The following PRSS23 variants were observed in gnomAD, a reference collection of about 807,000 sequenced individuals.
PRSS23 encodes the protein serine protease 23, also known as protease, serine 23.
PRSS23 carries 25 observed loss-of-function variants against 34.7 expected under a neutral mutation model. The ratio of observed to expected loss-of-function variants is 0.72; its 90% confidence interval spans 0.53 to 1.01. PRSS23 has a LOEUF of 1.01. PRSS23 is among the 50% of genes least tolerant of loss of function. The probability of loss-of-function intolerance (pLI) is 0.00; values close to 1 mark genes in which losing one functional copy is unlikely to be tolerated. For synonymous variants in PRSS23, 176 were observed against 186.6 expected (o/e 0.94, Z 0.46); for missense variants, 445 against 475.6 (o/e 0.94, Z 0.60).
At chr11:86,950,766 C>T (rs1949283480) in intron 2 of PRSS23, 1 of 293,906 alleles carries the variant, frequency 3.4e-6, no homozygotes, top group Non-Finnish European at 6.5e-6. Context: ...GTTAATATTT[C>T]TCCCTGCTAG....
At chr11:86,882,529 G>A (rs1310911882) in intron 2 of PRSS23, among the ~76,000 whole-genome samples, 2 of 151,836 alleles carry the variant, frequency 1.3e-5, no homozygotes, top group African/African-American at 4.8e-5. Context: ...CCCTACGAAG[G>A]GCATGATCTC....
At position 86,807,984 on chromosome 11, in the gene PRSS23, A is replaced by G; in HGVS notation, c.341A>G (p.Gln114Arg). Residue 114 changes from glutamine (Q) to arginine (R), a missense_variant, in exon 2 of 2, where the codon CAA (glutamine) becomes CGA (arginine). Physicochemically the swap from Gln to Arg is conservative, Grantham distance 43. Coordinates refer to ENST00000280258, the MANE Select transcript of PRSS23 (RefSeq NM_007173.6). ...YILSSSGDGA[Q>R]HRDSGSSGKS... ...CTCAGCAGTAGTGGAGATGGGGCCC[A>G]ACACCGAGACTCAGGGTCTTCAGGA... 1 of 1,614,102 alleles carries G rather than the reference A, an allele frequency of 6.2e-7. No individual in the cohort carries two copies. Among genetic ancestry groups the G allele is most frequent in the Non-Finnish European group, 8.5e-7 (1 of 1,180,020 alleles).
chr11:86,867,116 C>T (rs1948654567), intron 2 of PRSS23, among the ~76,000 whole-genome samples: 1 of 152,212 alleles, frequency 6.6e-6, no homozygotes, highest in Admixed American at 6.5e-5. Context: ...CTAGCTTCAT[C>T]CCCGAGCAGA....
chr11:86,838,309 C>A (rs530469061), intron 2 of PRSS23, among the ~76,000 whole-genome samples: 1 of 152,268 alleles, frequency 6.6e-6, no homozygotes, highest in East Asian at 1.9e-4. Context: ...CCAGGAGATA[C>A]CCTCCCATGC....
intron 2 of PRSS23, among the ~76,000 whole-genome samples, chr11:86,916,255 T>C (rs1010709778): frequency 6.6e-6 from 1 of 152,172 alleles, no homozygotes; most frequent in Non-Finnish European, 1.5e-5. Context: ...TAAACACGAA[T>C]TTTGGTAGCT....
chr11:86,834,408 G>T (rs1948386098), intron 2 of PRSS23, among the ~76,000 whole-genome samples: 1 of 152,116 alleles, frequency 6.6e-6, no homozygotes, highest in Admixed American at 6.5e-5. Context: ...TTCCCGAGGG[G>T]ATTACCCAAA....
At chr11:86,872,051 C>A (rs930203947) in intron 2 of PRSS23, among the ~76,000 whole-genome samples, 2 of 152,174 alleles carry the variant, frequency 1.3e-5, no homozygotes, top group African/African-American at 4.8e-5. Flanking sequence ...CTGCCACTTA[C>A]AATTAGCAGT....
intron 2 of PRSS23, chr11:86,910,123 CACAG>C (rs1310097215): frequency 7.9e-5 from 12 of 152,170 alleles, no homozygotes; most frequent in African/African-American, 2.7e-4. Flanking sequence ...CATGATTATA[CACAG>C]ACAAATGGAC....
chr11:86,844,386 A>G (rs187481609), intron 2 of PRSS23, among the ~76,000 whole-genome samples: 1 of 145,576 alleles, frequency 6.9e-6, no homozygotes, highest in Admixed American at 7.0e-5. Flanking sequence ...GGTTGTGGAC[A>G]TGTACCCTAG....
chr11:86,817,326 A>T (rs758269070), intron 1 of PRSS23, among the ~76,000 whole-genome samples: 4 of 152,172 alleles, frequency 2.6e-5, no homozygotes, highest in Non-Finnish European at 4.4e-5. Flanking sequence ...CTGTCCAGAG[A>T]ATTAAGTTAA....
At chr11:86,874,242 C>T (rs1422990497) in intron 2 of PRSS23, among the ~76,000 whole-genome samples, 4 of 152,214 alleles carry the variant, frequency 2.6e-5, no homozygotes, top group African/African-American at 2.4e-5. Flanking sequence ...CTCCCAAGAA[C>T]AGCCCAATAC....
At chr11:86,861,186 G>C (rs1246758944) in intron 2 of PRSS23, among the ~76,000 whole-genome samples, 2 of 150,396 alleles carry the variant, frequency 1.3e-5, no homozygotes, top group Non-Finnish European at 3.0e-5. Context: ...CCCATGTCAC[G>C]GGGGGTGTCC....
chr11:86,835,563 T>C (rs1419991184), intron 2 of PRSS23, among the ~76,000 whole-genome samples: 11 of 152,180 alleles, frequency 7.2e-5, no homozygotes, highest in Non-Finnish European at 1.5e-4. Flanking sequence ...CCTTAATTAG[T>C]GTATATAATG....
At chr11:86,877,937 T>G (rs1483520216) in intron 2 of PRSS23, among the ~76,000 whole-genome samples, 1 of 151,978 alleles carries the variant, frequency 6.6e-6, no homozygotes, top group Non-Finnish European at 1.5e-5. Flanking sequence ...GGCCATTTTA[T>G]GGAGTATTAC....
chr11:86,828,436 G>C (rs536919401), intron 2 of PRSS23, among the ~76,000 whole-genome samples: 1,931 of 152,246 alleles, frequency 0.013, 32 homozygotes, highest in African/African-American at 0.044. Context: ...GGTGGGTCTT[G>C]ACTCTTTATC....
In PRSS23 at chr11:86,807,590, C is replaced by T. The variant is rs567033250; in HGVS notation, c.-13-41C>T. The T allele has an allele frequency of 2.2e-4, 337 of 1,502,260 alleles. No individual in the cohort carries two copies. The African/African-American group carries it at 4.5e-3, about 20-fold the overall frequency. 93.1% of individuals were successfully genotyped at this position (1,502,260 alleles called of 1,614,324 possible). A position where few individuals can be genotyped will look rare whatever the true frequency, so the allele number is the denominator to read the frequency against. On this transcript the variant is annotated intron_variant, in intron 1 of 1. Transcript: ENST00000280258. The stretch of plus-strand genomic sequence containing the variant: ...TTGCTGTCTGCAGTAAATGAACGTT[C>T]AGCCCTTGCCCTCCTGACCTGCTTG...
At chr11:86,944,191 G>A (rs1949225222) in intron 2 of PRSS23, among the ~76,000 whole-genome samples, 1 of 151,866 alleles carries the variant, frequency 6.6e-6, no homozygotes, top group Admixed American at 6.6e-5. Context: ...GCCTGTAGCT[G>A]CATAACTCCA....
intron 1 of PRSS23, among the ~76,000 whole-genome samples, chr11:86,791,946 C>T (rs762331042): frequency 1.3e-5 from 2 of 152,204 alleles, no homozygotes; most frequent in African/African-American, 4.8e-5. Flanking sequence ...ATTTGAGAAT[C>T]AGGCTCTGTG....
chr11:86,804,116 G>C (rs1948072533), intron 1 of PRSS23, among the ~76,000 whole-genome samples: 2 of 152,094 alleles, frequency 1.3e-5, no homozygotes, highest in Admixed American at 6.5e-5. Context: ...ATCTGGTTGA[G>C]GATGCTATTC....
Sources: gnomAD v4.1 joint callset for allele counts (sites outside exome capture counted in the v4.1 genomes callset) on GRCh38, gnomAD v4.1.1 for gene constraint, MANE v1.5 for transcripts, NCBI Gene and HGNC (gene_info 2026-07-23, HGNC 2026-07-21) for gene names.